Variants in MYRIP observed in about 807,000 individuals in gnomAD.
MYRIP encodes the protein rab effector MyRIP.
Under a neutral mutation model 98.0 loss-of-function variants are expected in MYRIP, and 49 were observed. The observed-to-expected ratio is 0.50, with a 90% CI of 0.40 to 0.63. The LOEUF (loss-of-function observed/expected upper bound fraction) is 0.63. Among genes scored for constraint, MYRIP ranks in the 30% least tolerant of loss-of-function variants. The pLI is 0.00. For missense variants in MYRIP, 1,004 were observed against 1,058.2 expected (o/e 0.95, Z 0.71); for synonymous variants, 404 against 409.5 (o/e 0.99, Z 0.16).
At chr3:40,012,667 A>C (rs762967440) in intron 2 of MYRIP, among the ~76,000 whole-genome samples, 1 of 152,198 alleles carries the variant, frequency 6.6e-6, no homozygotes, top group Non-Finnish European at 1.5e-5. Context: ...ATAGAGCAAG[A>C]GGTAGAGGAA....
At chr3:40,158,769 T>C (rs9862878) in intron 4 of MYRIP, among the ~76,000 whole-genome samples, 8,027 of 138,864 alleles carry the variant, frequency 0.058, 694 homozygotes, top group African/African-American at 0.18. Context: ...TTTGTCTCTT[T>C]TGATCTTTGT....
chr3:39,916,861 C>A (rs956813544), intron 2 of MYRIP, among the ~76,000 whole-genome samples: 2 of 151,996 alleles, frequency 1.3e-5, no homozygotes, highest in African/African-American at 4.8e-5. Context: ...TAAAGTAACT[C>A]CTATAAAAAA....
intron 3 of MYRIP, among the ~76,000 whole-genome samples, chr3:40,056,171 G>A (rs766497760): frequency 3.9e-5 from 6 of 152,142 alleles, no homozygotes; most frequent in Admixed American, 1.3e-4. Context: ...CATTCTTTCC[G>A]TTCCTTGGGA....
intron 2 of MYRIP, among the ~76,000 whole-genome samples, chr3:39,960,761 A>T (rs1945303135): frequency 6.6e-6 from 1 of 152,204 alleles, no homozygotes; most frequent in Admixed American, 6.6e-5. Flanking sequence ...CTAATGAGGG[A>T]ATCAAGGCAG....
chr3:40,073,715 ATCTTAAGGGACGTT>A (rs771590834), intron 3 of MYRIP, among the ~76,000 whole-genome samples: 44 of 152,252 alleles, frequency 2.9e-4, no homozygotes, highest in Non-Finnish European at 5.1e-4. Flanking sequence ...ATTACTGGGC[ATCTTAAGGGACGTT>A]TCAGAACATT....
At chr3:39,964,262 G>A (rs1305355010) in intron 2 of MYRIP, among the ~76,000 whole-genome samples, 1 of 151,964 alleles carries the variant, frequency 6.6e-6, no homozygotes, top group Admixed American at 6.6e-5. Context: ...TACTTCCAAA[G>A]TATTTTAAGC....
At chr3:39,974,085 C>T (rs1368713468) in intron 2 of MYRIP, among the ~76,000 whole-genome samples, 1 of 137,910 alleles carries the variant, frequency 7.3e-6, no homozygotes, top group East Asian at 2.0e-4. Context: ...CACAAAAAAC[C>T]CTATAAAAAA....
chr3:40,155,406 G>C (rs138100787), intron 4 of MYRIP, among the ~76,000 whole-genome samples: 16,644 of 151,302 alleles, frequency 0.11, 2,091 homozygotes, highest in African/African-American at 0.3. Flanking sequence ...GGACATTTGG[G>C]TTGGTTCCAA....
chr3:40,087,538 G>A (rs916135854), intron 3 of MYRIP, among the ~76,000 whole-genome samples: 10 of 152,182 alleles, frequency 6.6e-5, no homozygotes, highest in Non-Finnish European at 1.2e-4. Context: ...GAATGTAATA[G>A]GTTAAGAAGC....
intron 1 of MYRIP, among the ~76,000 whole-genome samples, chr3:39,900,123 C>T (rs1341711706): frequency 6.6e-6 from 1 of 152,140 alleles, no homozygotes; most frequent in East Asian, 1.9e-4. Context: ...GCCCAGCCAA[C>T]AATTATTTTT....
At chr3:39,974,216 GA>G (rs1412337005) in intron 2 of MYRIP, among the ~76,000 whole-genome samples, 2 of 151,990 alleles carry the variant, frequency 1.3e-5, no homozygotes, top group Admixed American at 6.6e-5. Context: ...TGATAAAGGG[GA>G]TATCACCACC....
intron 3 of MYRIP, among the ~76,000 whole-genome samples, chr3:40,107,195 C>T (rs935141986): frequency 6.6e-6 from 1 of 152,182 alleles, no homozygotes; most frequent in Non-Finnish European, 1.5e-5. Flanking sequence ...TGCTGGGGAC[C>T]AGGCACCAGG....
intron 11 of MYRIP, among the ~76,000 whole-genome samples, chr3:40,220,057 G>A (rs1414982105): frequency 4.0e-5 from 6 of 150,940 alleles, no homozygotes; most frequent in African/African-American, 1.2e-4. Flanking sequence ...TCTCATTGTG[G>A]TTTTGATTTG....
At chr3:39,941,981 A>G (rs1218470019) in intron 2 of MYRIP, among the ~76,000 whole-genome samples, 1 of 152,154 alleles carries the variant, frequency 6.6e-6, no homozygotes, top group Non-Finnish European at 1.5e-5. Context: ...GAAACATATC[A>G]TGTTTGATCC....
intron 2 of MYRIP, among the ~76,000 whole-genome samples, chr3:40,017,614 A>G (rs1946892207): frequency 6.6e-6 from 1 of 152,098 alleles, no homozygotes; most frequent in Non-Finnish European, 1.5e-5. Flanking sequence ...ACTTTGAACA[A>G]TTTCCTAAAT....
At chr3:40,146,975 A>G (rs1048516501) in intron 3 of MYRIP, among the ~76,000 whole-genome samples, 3 of 152,178 alleles carry the variant, frequency 2.0e-5, no homozygotes, top group Admixed American at 2.0e-4. Context: ...ACTTGGTTAA[A>G]ATAAATTCAG....
chr3:40,217,810 C>A (rs1952170152), intron 11 of MYRIP, among the ~76,000 whole-genome samples: 1 of 152,232 alleles, frequency 6.6e-6, no homozygotes, highest in East Asian at 1.9e-4. Context: ...ACAAAGATGT[C>A]TTCTACTACT....
In MYRIP at chr3:40,044,101, G is replaced by A. The variant is rs568166368; in HGVS notation, c.162G>A (p.Ser54=). Residue 54 remains serine, a synonymous_variant, in exon 3 of 17, where the codon TCG becomes TCA. Transcript: ENST00000302541. The part of the protein sequence containing the change: ...DEEGSKCSIL[S]KHQQFVEHCC... The stretch of plus-strand genomic sequence containing the variant: ...AAGGCAGCAAGTGCAGCATCCTCTC[G>A]AAGCACCAGCAGTTTGTGGAGCACT... 117 of 1,614,080 alleles carry A rather than the reference G, an allele frequency of 7.2e-5. 1 individual carries two copies. The highest frequency in any genetic ancestry group is 1.0e-4 in the Admixed American group (6 of 60,012).
chr3:40,038,347 A>T (rs1475388000), intron 2 of MYRIP, among the ~76,000 whole-genome samples: 1 of 152,142 alleles, frequency 6.6e-6, no homozygotes, highest in African/African-American at 2.4e-5. Context: ...TTACTTGTTA[A>T]AAATTAGAGA....
Sources: gnomAD v4.1 joint callset for allele counts (sites outside exome capture counted in the v4.1 genomes callset) on GRCh38, gnomAD v4.1.1 for gene constraint, MANE v1.5 for transcripts, NCBI Gene and HGNC (gene_info 2026-07-23, HGNC 2026-07-21) for gene names.